The following ANO10 variants were observed in gnomAD, a reference collection of about 807,000 sequenced individuals.
The protein encoded by ANO10 is anoctamin 10.
ANO10 carries 77 observed loss-of-function variants against 74.7 expected under a neutral mutation model. The observed-to-expected ratio is 1.03, with a 90% CI of 0.86 to 1.25. The LOEUF (loss-of-function observed/expected upper bound fraction) is 1.25. Among genes scored for constraint, ANO10 ranks in the 50% most tolerant of loss-of-function variants. The pLI, the probability that ANO10 is intolerant of heterozygous loss-of-function variation, is 0.00. For synonymous variants in ANO10, 279 were observed against 284.9 expected, an observed-to-expected ratio of 0.98 and a Z score of 0.21; for missense variants, 721 against 778.1, an observed-to-expected ratio of 0.93 and a Z score of 0.87.
Position 43,555,287 on chromosome 3 carries a change from A to C in ANO10, c.1659T>G (p.Gly553=). The change falls in exon 10 of 13, where the codon GGT becomes GGG. Residue 553 remains glycine, a synonymous_variant. Transcript: ENST00000292246. The stretch of plus-strand genomic sequence containing the variant: ...TTTCTCAAACAATTACCTGCCACAC[A>C]CCAATATTGGCTGAAGGTTCTGAGA... ...RPFSEPSANI[G]VWQLAFETMS... is the part of the protein sequence containing the mutation. The C allele has an allele frequency of 6.2e-7, 1 of 1,613,848 alleles. No homozygotes were observed. The highest frequency in any genetic ancestry group is 8.5e-7 in the Non-Finnish European group (1 of 1,179,922).
At chr3:43,678,574 C>T (rs549979820) in intron 1 of ANO10, among the ~76,000 whole-genome samples, 3 of 152,248 alleles carry the variant, frequency 2.0e-5, no homozygotes, top group African/African-American at 4.8e-5. Flanking sequence ...ATACCCCCTG[C>T]TTGCTCAATC....
intron 2 of ANO10, among the ~76,000 whole-genome samples, chr3:43,605,446 G>A (rs1409086211): frequency 2.0e-5 from 3 of 152,060 alleles, no homozygotes; most frequent in Admixed American, 1.3e-4. Flanking sequence ...CAGTGTGGTA[G>A]GCATACTATT....
At chr3:43,575,183 A>G (rs2080937162) in intron 6 of ANO10, among the ~76,000 whole-genome samples, 1 of 152,250 alleles carries the variant, frequency 6.6e-6, no homozygotes, top group South Asian at 2.1e-4. Context: ...AGTGAAAACT[A>G]ATAATAGTAA....
At chr3:43,475,600 T>C (rs1449254892) in intron 11 of ANO10, among the ~76,000 whole-genome samples, 1 of 152,006 alleles carries the variant, frequency 6.6e-6, no homozygotes, top group Non-Finnish European at 1.5e-5. Context: ...TCTTTGTTTT[T>C]GTTTTGTTTT....
At chr3:43,519,373 C>A (rs2077851607) in intron 11 of ANO10, among the ~76,000 whole-genome samples, 1 of 152,140 alleles carries the variant, frequency 6.6e-6, no homozygotes, top group Non-Finnish European at 1.5e-5. Context: ...CACACTACTT[C>A]TTTTTCAATT....
rs1487447690 is a variant in ANO10, at chr3:43,667,395, A to G, written c.-12+24122T>C. Among the ~76,000 whole-genome samples the G allele has an allele frequency of 3.3e-5, 5 of 152,004 alleles. No homozygotes were observed. In the East Asian group the frequency reaches 9.6e-4, roughly 29 times the overall value. On this transcript the variant is annotated intron_variant, in intron 1 of 3. Transcript: ENST00000413397. ...TGGGCCACTGCACCCAGCCCAATCC[A>G]TGTAATTTAATTTGTGTAGTTACAC...
chr3:43,443,560 T>C (rs1417247783), intron 11 of ANO10, among the ~76,000 whole-genome samples: 1 of 151,634 alleles, frequency 6.6e-6, no homozygotes, highest in Non-Finnish European at 1.5e-5. Flanking sequence ...TAAATATTAA[T>C]AGCTGGAATC....
intron 1 of ANO10, among the ~76,000 whole-genome samples, chr3:43,656,241 C>A (rs940175358): frequency 6.6e-6 from 1 of 152,066 alleles, no homozygotes; most frequent in Non-Finnish European, 1.5e-5. Context: ...ACACAGGGTG[C>A]TGATTGGTGT....
intron 12 of ANO10, among the ~76,000 whole-genome samples, chr3:43,369,284 A>G (rs1352846915): frequency 6.6e-6 from 1 of 152,246 alleles, no homozygotes; most frequent in Non-Finnish European, 1.5e-5. Context: ...TCCCACCTGC[A>G]GTGCCTGCCT....
At chr3:43,566,904 A>C (rs2080386387) in intron 7 of ANO10, among the ~76,000 whole-genome samples, 1 of 152,228 alleles carries the variant, frequency 6.6e-6, no homozygotes, top group African/African-American at 2.4e-5. Flanking sequence ...GAGGACATTC[A>C]AACCAAAGGC....
chr3:43,485,407 C>T (rs1011365260), intron 11 of ANO10, among the ~76,000 whole-genome samples: 3 of 152,160 alleles, frequency 2.0e-5, no homozygotes, highest in Admixed American at 6.5e-5. Flanking sequence ...TGTTCCTGCA[C>T]GGGTTTGTCC....
At chr3:43,542,869 A>C (rs893686978) in intron 11 of ANO10, among the ~76,000 whole-genome samples, 2 of 152,212 alleles carry the variant, frequency 1.3e-5, no homozygotes, top group African/African-American at 4.8e-5. Context: ...TCACATATAC[A>C]ACCTCATCTA....
chr3:43,428,784 A>C (rs2092935473), intron 12 of ANO10, among the ~76,000 whole-genome samples: 1 of 95,042 alleles, frequency 1.1e-5, no homozygotes, highest in Non-Finnish European at 2.2e-5. Context: ...AAATCCTGAA[A>C]CTTTGTGAAT....
chr3:43,590,794 G>A (rs2081702251), intron 4 of ANO10, among the ~76,000 whole-genome samples: 1 of 152,152 alleles, frequency 6.6e-6, no homozygotes, highest in Non-Finnish European at 1.5e-5. Flanking sequence ...ACTGGTTCTT[G>A]GGCATCTGTC....
At chr3:43,519,799 T>C (rs908842535) in intron 11 of ANO10, among the ~76,000 whole-genome samples, 7 of 152,156 alleles carry the variant, frequency 4.6e-5, no homozygotes, top group Admixed American at 4.6e-4. Flanking sequence ...GCAAGCAAGA[T>C]TGCTGTGAAG....
intron 10 of ANO10, among the ~76,000 whole-genome samples, chr3:43,550,365 A>G (rs923434662): frequency 1.3e-5 from 2 of 152,184 alleles, no homozygotes; most frequent in Non-Finnish European, 2.9e-5. Flanking sequence ...AGAACTTTAG[A>G]AAAATATAGA....
chr3:43,422,227 C>T (rs1163104717), intron 12 of ANO10, among the ~76,000 whole-genome samples: 2 of 152,160 alleles, frequency 1.3e-5, no homozygotes, highest in African/African-American at 4.8e-5. Flanking sequence ...AGCGACTCTC[C>T]TGCCTCAGCC....
chr3:43,671,912 C>T (rs2084063610), intron 1 of ANO10, among the ~76,000 whole-genome samples: 1 of 152,154 alleles, frequency 6.6e-6, no homozygotes, highest in Non-Finnish European at 1.5e-5. Context: ...TTTTCAAAAG[C>T]CCTAAATTTA....
At chr3:43,686,430 G>A (rs140668996) in intron 1 of ANO10, among the ~76,000 whole-genome samples, 1 of 152,198 alleles carries the variant, frequency 6.6e-6, no homozygotes, top group East Asian at 1.9e-4. Context: ...GAGGCCAAAG[G>A]CACATGCCAT....
Sources: allele counts gnomAD v4.1 joint callset (sites outside exome capture counted in the v4.1 genomes callset), GRCh38; gene constraint gnomAD v4.1.1; transcripts MANE v1.5; gene names NCBI Gene and HGNC (gene_info 2026-07-23, HGNC 2026-07-21).